Variants in KCTD16 observed in about 807,000 individuals in gnomAD.
The protein encoded by KCTD16 is BTB/POZ domain-containing protein KCTD16.
Under a neutral mutation model 33.2 loss-of-function variants are expected in KCTD16, and 13 were observed. That is an observed-to-expected ratio of 0.39 (90% CI 0.25 to 0.62). KCTD16 has a LOEUF of 0.62. KCTD16 is among the 20% of genes least tolerant of loss of function. The pLI, the probability that KCTD16 is intolerant of heterozygous loss-of-function variation, is 0.50. For missense variants in KCTD16, 441 were observed against 525.1 expected (o/e 0.84, Z 1.57); for synonymous variants, 197 against 195.3 (o/e 1.01, Z -0.07).
intron 3 of KCTD16, among the ~76,000 whole-genome samples, chr5:144,289,313 G>A (rs985219399): frequency 6.6e-6 from 1 of 152,180 alleles, no homozygotes; most frequent in African/African-American, 2.4e-5. Context: ...CCCCATGAGA[G>A]CAAATTGCAG....
At chr5:144,340,685 TTCTC>T (rs1752610658) in intron 3 of KCTD16, among the ~76,000 whole-genome samples, 1 of 152,096 alleles carries the variant, frequency 6.6e-6, no homozygotes, top group South Asian at 2.1e-4. Flanking sequence ...ACACCGGAAC[TTCTC>T]TCTCCACCCT....
rs967835672 is a variant in KCTD16 at position 144,185,756 on chromosome 5, T to TA, written c.-327+11293dup. Among the ~76,000 whole-genome samples, 10 of 151,166 alleles carry TA rather than the reference T, an allele frequency of 6.6e-5. No individual in the cohort carries two copies. The South Asian group carries it at 1.0e-3, about 16-fold the overall frequency. On this transcript the variant is annotated intron_variant, in intron 2 of 3. Coordinates refer to ENST00000512467, the MANE Select transcript of KCTD16 (RefSeq NM_020768.4). ...AATACATGAGTGAAATTACTAAGAT[T>TA]AAAAAAAAACCCCTTTCTTGTCATG...
In KCTD16 at chr5:144,484,779, T is replaced by G. The variant is rs1460759592; in HGVS notation, c.*10665T>G. On this transcript the variant is annotated 3_prime_UTR_variant, in exon 4 of 4. Coordinates refer to ENST00000512467, the MANE Select transcript of KCTD16 (RefSeq NM_020768.4). ...TGACTTGGGTCAGTTTGTTGCACATTGATGAATAACAAGTGACACCCAATG... is the reference window on the plus strand; with the variant it reads ...TGACTTGGGTCAGTTTGTTGCACATGGATGAATAACAAGTGACACCCAATG... 6.6e-6 allele frequency: 1 copy of G among 152,022 alleles called. No homozygotes were observed. Among genetic ancestry groups the G allele is most frequent in the Non-Finnish European group, 1.5e-5 (1 of 67,948 alleles). The allele number at this position is 152,022 out of a possible 1,614,324, so 9.4% of individuals were successfully genotyped here.
chr5:144,228,391 T>C (rs1201217410), intron 3 of KCTD16, among the ~76,000 whole-genome samples: 1 of 152,164 alleles, frequency 6.6e-6, no homozygotes, highest in South Asian at 2.1e-4. Context: ...TTGAGAGTAA[T>C]GGCTATTGGA....
chr5:144,368,934 C>A (rs1032042301), intron 3 of KCTD16, among the ~76,000 whole-genome samples: 1 of 152,116 alleles, frequency 6.6e-6, no homozygotes, highest in East Asian at 1.9e-4. Context: ...GAACTCGAAC[C>A]CAGATTTATC....
intron 3 of KCTD16, among the ~76,000 whole-genome samples, chr5:144,338,864 C>A (rs897437796): frequency 2.0e-5 from 3 of 152,158 alleles, no homozygotes; most frequent in Non-Finnish European, 4.4e-5. Flanking sequence ...AGATTCTCCT[C>A]ACTTTTATGA....
chr5:144,181,190 C>T (rs1412506011), intron 2 of KCTD16, among the ~76,000 whole-genome samples: 2 of 152,216 alleles, frequency 1.3e-5, no homozygotes, highest in Non-Finnish European at 2.9e-5. Context: ...GCCTCTGCCT[C>T]CCAAAGTGCT....
chr5:144,485,642 A>G lies in KCTD16; in HGVS notation c.*11528A>G, dbSNP rs1754790149. On this transcript the variant is annotated 3_prime_UTR_variant, in exon 4 of 4. Coordinates refer to ENST00000512467, the MANE Select transcript of KCTD16 (RefSeq NM_020768.4). ...GTTTCCATAAATGACTCCATTTCAT[A>G]TGCATTGTAATTTAGCACAAATCAT... 6.6e-6 allele frequency: 1 copy of G among 151,952 alleles called. No individual in the cohort carries two copies. Among genetic ancestry groups the G allele is most frequent in the Admixed American group, 6.6e-5 (1 of 15,222 alleles). 9.4% of individuals were successfully genotyped at this position (151,952 alleles called of 1,614,324 possible). A position where few individuals can be genotyped will look rare whatever the true frequency, so the allele number is the denominator to read the frequency against.
rs543588380 is a variant in KCTD16, at chr5:144,298,552, G to A, written c.832+91006G>A. Among the ~76,000 whole-genome samples the A allele has an allele frequency of 3.5e-4, 53 of 152,184 alleles. No homozygotes were observed. In the South Asian group the frequency reaches 0.011, roughly 30 times the overall value. ...ATGAAATAACATTGGTAAGTGAAGC[G>A]CTTAGTACTGTGCCTGTAAGGTAAC... On this transcript the variant is annotated intron_variant, in intron 3 of 3. Coordinates refer to ENST00000512467, the MANE Select transcript of KCTD16 (RefSeq NM_020768.4).
At chr5:144,430,116 GT>G (rs1753425229) in intron 3 of KCTD16, among the ~76,000 whole-genome samples, 1 of 152,046 alleles carries the variant, frequency 6.6e-6, no homozygotes, top group Non-Finnish European at 1.5e-5. Context: ...CATCGTACCT[GT>G]GTAAGCCCTT....
intron 3 of KCTD16, among the ~76,000 whole-genome samples, chr5:144,299,110 A>ATGTG (rs1756148885): frequency 1.7e-4 from 2 of 11,462 alleles, no homozygotes; most frequent in Admixed American, 7.9e-4. Context: ...ATATATATAT[A>ATGTG]TATATATATA....
At chr5:144,286,781 A>G (rs1241148457) in intron 3 of KCTD16, among the ~76,000 whole-genome samples, 1 of 152,204 alleles carries the variant, frequency 6.6e-6, no homozygotes, top group Non-Finnish European at 1.5e-5. Context: ...AATTGCATTA[A>G]TGATATCATG....
chr5:144,191,162 C>T (rs904306148), intron 2 of KCTD16, among the ~76,000 whole-genome samples: 4 of 152,140 alleles, frequency 2.6e-5, no homozygotes, highest in Non-Finnish European at 2.9e-5. Flanking sequence ...CAAAGCCACA[C>T]CTGTCAGTGG....
At chr5:144,444,168 G>T (rs1283480433) in intron 3 of KCTD16, among the ~76,000 whole-genome samples, 3 of 151,786 alleles carry the variant, frequency 2.0e-5, no homozygotes, top group Non-Finnish European at 4.4e-5. Flanking sequence ...TTAGCAGAGA[G>T]AGTCAAAATA....
At chr5:144,468,161 C>T (rs1754389758) in intron 3 of KCTD16, among the ~76,000 whole-genome samples, 1 of 152,202 alleles carries the variant, frequency 6.6e-6, no homozygotes, top group Non-Finnish European at 1.5e-5. Flanking sequence ...TGGGTCCAAC[C>T]TCCACACAAT....
intron 3 of KCTD16, among the ~76,000 whole-genome samples, chr5:144,304,701 C>A (rs1318494552): frequency 6.6e-6 from 1 of 152,092 alleles, no homozygotes; most frequent in African/African-American, 2.4e-5. Flanking sequence ...CTAGGGCGAT[C>A]TACTGAGAGA....
intron 3 of KCTD16, among the ~76,000 whole-genome samples, chr5:144,254,145 T>G (rs915229223): frequency 2.6e-5 from 4 of 151,998 alleles, no homozygotes; most frequent in Admixed American, 2.6e-4. Flanking sequence ...TAATTTATTT[T>G]TATTTTTTTT....
At chr5:144,257,797 T>A (rs1754893532) in intron 3 of KCTD16, among the ~76,000 whole-genome samples, 1 of 152,178 alleles carries the variant, frequency 6.6e-6, no homozygotes, top group Non-Finnish European at 1.5e-5. Context: ...TGTCATAGTT[T>A]CTTATTAGAT....
At chr5:144,428,672 G>A (rs181385604) in intron 3 of KCTD16, among the ~76,000 whole-genome samples, 5 of 152,154 alleles carry the variant, frequency 3.3e-5, no homozygotes, top group Non-Finnish European at 5.9e-5. Flanking sequence ...CTACTACATC[G>A]TTGGGATATA....
Sources: allele counts gnomAD v4.1 joint callset (sites outside exome capture counted in the v4.1 genomes callset), GRCh38; gene constraint gnomAD v4.1.1; transcripts MANE v1.5; gene names NCBI Gene and HGNC (gene_info 2026-07-23, HGNC 2026-07-21).